The following SLC44A5 variants were observed in gnomAD, a reference collection of about 807,000 sequenced individuals.
SLC44A5 encodes the protein solute carrier family 44 member 5.
SLC44A5 carries 57 observed loss-of-function variants against 101.8 expected under a neutral mutation model. The observed-to-expected ratio is 0.56, with a 90% CI of 0.45 to 0.70. The LOEUF (loss-of-function observed/expected upper bound fraction) is 0.70, where lower values mean the gene tolerates loss of function less well. Ranked by LOEUF, SLC44A5 falls within the 30% of genes least tolerant of loss-of-function variation. SLC44A5 has a pLI of 0.00. For missense variants in SLC44A5, 737 were observed against 853.1 expected (o/e 0.86, Z 1.70); for synonymous variants, 281 against 290.9 (o/e 0.97, Z 0.35).
At chr1:75,615,015 C>G (rs1225925483), upstream of SLC44A5, among the ~76,000 whole-genome samples, 14 of 152,128 alleles carry the variant, frequency 9.2e-5, no homozygotes, top group East Asian at 1.9e-4. Context: ...CTAGGCAAGA[C>G]GCAGCCCAGG....
intron 2 of SLC44A5, among the ~76,000 whole-genome samples, chr1:75,514,605 T>C (rs1401713165): frequency 6.6e-6 from 1 of 152,248 alleles, no homozygotes; most frequent in African/African-American, 2.4e-5. Flanking sequence ...ATTAAGTAAT[T>C]AGTGTCTTTA....
the SLC44A5 span, among the ~76,000 whole-genome samples, chr1:75,668,972 C>G: frequency 6.6e-6 from 1 of 151,284 alleles, no homozygotes; most frequent in Non-Finnish European, 1.5e-5. Flanking sequence ...CGCCACCGAA[C>G]TACAGTCTAG....
At chr1:75,248,004 A>G (rs890020142) in intron 7 of SLC44A5, among the ~76,000 whole-genome samples, 1 of 152,122 alleles carries the variant, frequency 6.6e-6, no homozygotes, top group Non-Finnish European at 1.5e-5. Context: ...GATTAAAGAA[A>G]TAACAGTAGT....
At chr1:75,246,996 T>G (rs1165722318) in intron 7 of SLC44A5, among the ~76,000 whole-genome samples, 1 of 151,972 alleles carries the variant, frequency 6.6e-6, no homozygotes. Context: ...TATAAGTAAC[T>G]TGGGAAGCTA....
chr1:75,408,581 C>A (rs1663059067), intron 2 of SLC44A5, among the ~76,000 whole-genome samples: 1 of 152,002 alleles, frequency 6.6e-6, no homozygotes, highest in Non-Finnish European at 1.5e-5. Context: ...AGCTGGAAAC[C>A]ATCATTCTCA....
the SLC44A5 span, among the ~76,000 whole-genome samples, chr1:75,655,269 C>T: frequency 6.6e-6 from 1 of 152,088 alleles, no homozygotes; most frequent in Non-Finnish European, 1.5e-5. Flanking sequence ...TGTGTAACAA[C>T]CCTGCACATG....
intron 2 of SLC44A5, among the ~76,000 whole-genome samples, chr1:75,500,625 A>G (rs915481633): frequency 6.6e-6 from 1 of 152,168 alleles, no homozygotes; most frequent in African/African-American, 2.4e-5. Context: ...ACCATTACAC[A>G]TTTTAGGTAT....
At chr1:75,230,177 C>T (rs891767063) in intron 12 of SLC44A5, among the ~76,000 whole-genome samples, 2 of 151,890 alleles carry the variant, frequency 1.3e-5, no homozygotes, top group African/African-American at 2.4e-5. Flanking sequence ...TATGCCTGGA[C>T]GTTTTTGTTG....
At chr1:75,519,325 A>G (rs1166346696) in intron 2 of SLC44A5, among the ~76,000 whole-genome samples, 1 of 152,174 alleles carries the variant, frequency 6.6e-6, no homozygotes, top group African/African-American at 2.4e-5. Flanking sequence ...TGAGAGGCTG[A>G]GGAGGGAAAA....
At chr1:75,594,807 G>T (rs897711736) in intron 1 of SLC44A5, among the ~76,000 whole-genome samples, 2 of 151,410 alleles carry the variant, frequency 1.3e-5, no homozygotes, top group Admixed American at 1.3e-4. Flanking sequence ...AAAAAAGAAA[G>T]ATTATTAAAC....
chr1:75,205,826 A>G (rs1646740863), intron 23 of SLC44A5: 1 of 152,158 alleles, frequency 6.6e-6, no homozygotes, highest in Non-Finnish European at 1.5e-5. Flanking sequence ...ATATAGTGGG[A>G]ATAAGAAATT....
intron 3 of SLC44A5, among the ~76,000 whole-genome samples, chr1:75,353,503 C>G (rs374219984): frequency 1.3e-5 from 2 of 152,146 alleles, no homozygotes; most frequent in Admixed American, 6.6e-5. Context: ...AACAGTGGTT[C>G]TGGATCATAG....
chr1:75,689,095 C>T, the SLC44A5 span, among the ~76,000 whole-genome samples: 2 of 152,204 alleles, frequency 1.3e-5, no homozygotes, highest in East Asian at 3.9e-4. Flanking sequence ...CTAATATTAC[C>T]CAGAAGTACA....
chr1:75,490,347 A>C (rs1417304920), intron 2 of SLC44A5, among the ~76,000 whole-genome samples: 5 of 152,188 alleles, frequency 3.3e-5, no homozygotes, highest in Non-Finnish European at 5.9e-5. Context: ...TGTCTTTAAC[A>C]AAGGCATTTA....
At chr1:75,243,352 G>T (rs1212281031) in intron 7 of SLC44A5, among the ~76,000 whole-genome samples, 1 of 151,826 alleles carries the variant, frequency 6.6e-6, no homozygotes, top group African/African-American at 2.4e-5. Flanking sequence ...TCCCAGGCTG[G>T]TCTCAAACTC....
At chr1:75,223,034 G>T (rs988261156) in intron 13 of SLC44A5, among the ~76,000 whole-genome samples, 2 of 152,172 alleles carry the variant, frequency 1.3e-5, no homozygotes, top group Non-Finnish European at 2.9e-5. Context: ...TAGTCAACTT[G>T]ATTTATTTAG....
chr1:75,531,604 T>A (rs1557879560), intron 2 of SLC44A5, among the ~76,000 whole-genome samples: 1 of 152,216 alleles, frequency 6.6e-6, no homozygotes, highest in Admixed American at 6.5e-5. Context: ...AAGCCTCCAG[T>A]TGATGCCAAT....
In SLC44A5 at chr1:75,485,787, G is replaced by C. The variant is rs575358883; in HGVS notation, c.13+55648C>G. 3.9e-5 allele frequency among the ~76,000 whole-genome samples: 6 copies of C among 152,228 alleles called. No homozygotes were observed. In the East Asian group the frequency reaches 7.7e-4, roughly 20 times the overall value. On this transcript the variant is annotated intron_variant, in intron 2 of 23. Transcript: ENST00000370859. ...ATTGCCTCACAGTTCCACATGGCTG[G>C]GGAGGCCTCAGGAAACTTACAATCA... is the stretch of plus-strand genomic sequence containing the variant.
chr1:75,643,634 T>C, the SLC44A5 span, among the ~76,000 whole-genome samples: 1 of 152,202 alleles, frequency 6.6e-6, no homozygotes, highest in Non-Finnish European at 1.5e-5. Flanking sequence ...GGCAGGTTTT[T>C]CCCATGCTGT....
Sources: allele counts gnomAD v4.1 joint callset (sites outside exome capture counted in the v4.1 genomes callset), GRCh38; gene constraint gnomAD v4.1.1; transcripts MANE v1.5; gene names NCBI Gene and HGNC (gene_info 2026-07-23, HGNC 2026-07-21).